Variants in SLC25A13 observed in about 807,000 individuals in gnomAD.
SLC25A13 encodes the protein solute carrier family 25 member 13.
In SLC25A13, 70 loss-of-function variants were observed where a neutral mutation model predicts 85.5. That is an observed-to-expected ratio of 0.82 (90% CI 0.68 to 1.00). The LOEUF (loss-of-function observed/expected upper bound fraction) is 1.00, where lower values mean the gene tolerates loss of function less well. Ranked by LOEUF, SLC25A13 falls within the 50% of genes least tolerant of loss-of-function variation. SLC25A13 has a pLI of 0.00. For missense variants in SLC25A13, 765 were observed against 819.8 expected (o/e 0.93, Z 0.82); for synonymous variants, 259 against 288.7 (o/e 0.90, Z 1.04).
At chr7:96,294,038 C>T (rs1300235456) in intron 2 of SLC25A13, among the ~76,000 whole-genome samples, 1 of 152,120 alleles carries the variant, frequency 6.6e-6, no homozygotes, top group Non-Finnish European at 1.5e-5. Context: ...CCCAAATGTC[C>T]ATCAATGATA....
chr7:96,277,250 G>A lies in SLC25A13; in HGVS notation c.158C>T (p.Pro53Leu), dbSNP rs753950441. Reference protein sequence around the residue: ...RYLNIFGESQPNPKTVELLSG... With the variant: ...RYLNIFGESQLNPKTVELLSG... ...TAAAAGTTCCACAGTCTTTGGATTA[G>A]GCTGGCTTTCTCCAAAAATGTTCAA... Residue 53 changes from proline (P) to leucine (L), a missense_variant, in exon 3 of 18, where the codon CCT (proline) becomes CTT (leucine). Transcript: ENST00000265631. The A allele has an allele frequency of 2.7e-5, 43 of 1,611,004 alleles. No individual in the cohort carries two copies. The Middle Eastern group carries it at 4.9e-4, about 19-fold the overall frequency.
chr7:96,143,331 G>A (rs778469125), intron 14 of SLC25A13, among the ~76,000 whole-genome samples: 1 of 152,122 alleles, frequency 6.6e-6, no homozygotes, highest in Non-Finnish European at 1.5e-5. Context: ...TTTTTGCTAT[G>A]TTAAGTTTAT....
intron 11 of SLC25A13, among the ~76,000 whole-genome samples, chr7:96,175,832 T>C (rs151205070): frequency 8.4e-4 from 128 of 152,332 alleles, no homozygotes; most frequent in African/African-American, 2.8e-3. Flanking sequence ...GGCCCCGAGC[T>C]TCCTTATATT....
chr7:96,229,162 A>C (rs1208833586), intron 4 of SLC25A13, among the ~76,000 whole-genome samples: 3 of 152,224 alleles, frequency 2.0e-5, no homozygotes, highest in African/African-American at 7.2e-5. Flanking sequence ...AGGTGAAGCC[A>C]GCTGGGCTCC....
intron 4 of SLC25A13, among the ~76,000 whole-genome samples, chr7:96,217,829 C>A (rs1444154383): frequency 2.0e-5 from 3 of 149,394 alleles, no homozygotes; most frequent in Admixed American, 1.3e-4. Context: ...TTGTACAAAT[C>A]TGTGAATATA....
intron 1 of SLC25A13, among the ~76,000 whole-genome samples, chr7:96,316,755 A>T (rs1011515002): frequency 6.6e-6 from 1 of 152,186 alleles, no homozygotes; most frequent in Non-Finnish European, 1.5e-5. Context: ...TGCAAAAAGC[A>T]CTAGGTAAGG....
At chr7:96,124,376 G>T (rs1791639034) in intron 15 of SLC25A13, among the ~76,000 whole-genome samples, 1 of 152,160 alleles carries the variant, frequency 6.6e-6, no homozygotes, top group South Asian at 2.1e-4. Context: ...GCTTCTAAAA[G>T]CAGTGTGATA....
At chr7:96,164,984 G>A (rs762151573) in intron 13 of SLC25A13, among the ~76,000 whole-genome samples, 5 of 152,074 alleles carry the variant, frequency 3.3e-5, no homozygotes, top group South Asian at 2.1e-4. Flanking sequence ...CAGATTTGTC[G>A]TTGATTGGCT....
intron 3 of SLC25A13, among the ~76,000 whole-genome samples, chr7:96,252,551 C>G (rs755379996): frequency 1.6e-4 from 24 of 151,940 alleles, no homozygotes; most frequent in African/African-American, 5.1e-4. Context: ...GTATTTAGCA[C>G]CATGAGATGG....
At chr7:96,146,823 C>T (rs1406666727) in intron 13 of SLC25A13, 127 bp from the exon 14 acceptor site, 7 of 1,179,820 alleles carry the variant, frequency 5.9e-6, no homozygotes, top group East Asian at 2.3e-5. Context: ...CAGCCCTTGT[C>T]CCATCAATCA....
chr7:96,137,690 A>C (rs1014124074), intron 14 of SLC25A13, among the ~76,000 whole-genome samples: 1 of 152,132 alleles, frequency 6.6e-6, no homozygotes. Flanking sequence ...GCAGTGGTGC[A>C]ATCTTGGCTC....
intron 3 of SLC25A13, among the ~76,000 whole-genome samples, chr7:96,271,500 T>C (rs1798237255): frequency 6.6e-6 from 1 of 152,078 alleles, no homozygotes; most frequent in Non-Finnish European, 1.5e-5. Flanking sequence ...AAAGAAAATG[T>C]CAAAAGAGGA....
At chr7:96,201,197 G>C (rs1273753051) in intron 5 of SLC25A13, among the ~76,000 whole-genome samples, 1 of 152,080 alleles carries the variant, frequency 6.6e-6, no homozygotes, top group Non-Finnish European at 1.5e-5. Context: ...AAATACAACT[G>C]GGTTCTTGGG....
intron 14 of SLC25A13, among the ~76,000 whole-genome samples, chr7:96,135,663 C>G (rs1792253134): frequency 4.6e-5 from 7 of 152,032 alleles, no homozygotes. Flanking sequence ...TAATTTTTAC[C>G]AAGAGATCAG....
At chr7:96,307,908 T>C (rs1166456545) in intron 1 of SLC25A13, among the ~76,000 whole-genome samples, 1 of 151,886 alleles carries the variant, frequency 6.6e-6, no homozygotes, top group African/African-American at 2.4e-5. Context: ...TCCCAGCACT[T>C]TGGGAGGCTG....
chr7:96,275,179 T>C (rs1297360553), intron 3 of SLC25A13, among the ~76,000 whole-genome samples: 4 of 152,210 alleles, frequency 2.6e-5, no homozygotes, highest in South Asian at 2.1e-4. Context: ...TTTTATTTCA[T>C]TGAGCAGTGG....
chr7:96,128,348 AGAGACATCCT>A (rs1791819030), intron 15 of SLC25A13, among the ~76,000 whole-genome samples: 1 of 152,182 alleles, frequency 6.6e-6, no homozygotes, highest in Admixed American at 6.5e-5. Flanking sequence ...CAAAGATGAG[AGAGACATCCT>A]TGTCTTATTC....
chr7:96,306,679 G>A, intron 1 of SLC25A13: 3 of 745,952 alleles, frequency 4.0e-6, no homozygotes, highest in Non-Finnish European at 6.3e-6. Flanking sequence ...CTCCTAGGAT[G>A]GGAGTACAGC....
intron 2 of SLC25A13, among the ~76,000 whole-genome samples, chr7:96,289,374 G>C (rs1799022067): frequency 6.6e-6 from 1 of 152,190 alleles, no homozygotes; most frequent in Non-Finnish European, 1.5e-5. Context: ...AAGGAACGCA[G>C]CTCCTCACCG....
Sources: allele counts gnomAD v4.1 joint callset (sites outside exome capture counted in the v4.1 genomes callset), GRCh38; gene constraint gnomAD v4.1.1; transcripts MANE v1.5; gene names NCBI Gene and HGNC (gene_info 2026-07-23, HGNC 2026-07-21).